CNTNAP2: variants seen among roughly 807,000 people sequenced by gnomAD.
CNTNAP2 encodes contactin-associated protein-like 2.
In CNTNAP2, 98 loss-of-function variants were observed where a neutral mutation model predicts 155.2. The observed-to-expected ratio is 0.63, with a 90% CI of 0.54 to 0.75. The LOEUF (loss-of-function observed/expected upper bound fraction) is 0.75, where lower values mean the gene tolerates loss of function less well. Among genes scored for constraint, CNTNAP2 ranks in the 30% least tolerant of loss-of-function variants. CNTNAP2 has a pLI of 0.00. For missense variants in CNTNAP2, 1,727 were observed against 1,688.1 expected (o/e 1.02, Z -0.40); for synonymous variants, 651 against 631.2 (o/e 1.03, Z -0.47).
intron 1 of CNTNAP2, among the ~76,000 whole-genome samples, chr7:146,730,530 C>T (rs1801507559): frequency 6.6e-6 from 1 of 152,114 alleles, no homozygotes. Flanking sequence ...TGTTGAATTA[C>T]ATAATCTCTA....
At chr7:148,402,502 T>C (rs994562552) in intron 22 of CNTNAP2, among the ~76,000 whole-genome samples, 1 of 152,222 alleles carries the variant, frequency 6.6e-6, no homozygotes, top group Non-Finnish European at 1.5e-5. Context: ...CCCTTATATC[T>C]TCAGCATCTT....
chr7:147,739,812 TTATA>T (rs1279211947), intron 13 of CNTNAP2, among the ~76,000 whole-genome samples: 2 of 152,084 alleles, frequency 1.3e-5, no homozygotes, highest in Non-Finnish European at 2.9e-5. Flanking sequence ...TTTCATGTAT[TTATA>T]TATTTCATAT....
chr7:147,933,932 C>A (rs931420929), intron 14 of CNTNAP2, among the ~76,000 whole-genome samples: 2 of 152,078 alleles, frequency 1.3e-5, no homozygotes, highest in Admixed American at 6.6e-5. Context: ...ATCTTGAGAA[C>A]ATTATGCTAA....
intron 1 of CNTNAP2, among the ~76,000 whole-genome samples, chr7:146,715,543 A>G (rs1563200683): frequency 6.6e-6 from 1 of 152,068 alleles, no homozygotes; most frequent in Non-Finnish European, 1.5e-5. Context: ...TTTGATTTGT[A>G]TACAGTTTCA....
At chr7:148,087,200 T>C (rs1438999605) in intron 15 of CNTNAP2, among the ~76,000 whole-genome samples, 1 of 152,096 alleles carries the variant, frequency 6.6e-6, no homozygotes, top group African/African-American at 2.4e-5. Context: ...TCCTATCCAG[T>C]TATTATGTGG....
intron 9 of CNTNAP2, among the ~76,000 whole-genome samples, chr7:147,350,045 T>C (rs1477954457): frequency 1.3e-5 from 2 of 151,970 alleles, no homozygotes; most frequent in Non-Finnish European, 2.9e-5. Context: ...ACATCATTCC[T>C]GTTATGTTTC....
At chr7:147,575,474 A>ATG (rs1356946124) in intron 12 of CNTNAP2, among the ~76,000 whole-genome samples, 3 of 104,360 alleles carry the variant, frequency 2.9e-5, no homozygotes, top group Admixed American at 1.0e-4. Flanking sequence ...GGGTGTATAT[A>ATG]TGTGTGTGTG....
intron 1 of CNTNAP2, among the ~76,000 whole-genome samples, chr7:146,226,121 G>A (rs1355002416): frequency 3.3e-5 from 5 of 152,108 alleles, no homozygotes; most frequent in Non-Finnish European, 5.9e-5. Context: ...TTCACTGTCC[G>A]ATTCTGTGGT....
chr7:147,255,869 C>T (rs1365162348), intron 8 of CNTNAP2, among the ~76,000 whole-genome samples: 1 of 152,036 alleles, frequency 6.6e-6, no homozygotes, highest in South Asian at 2.1e-4. Flanking sequence ...ACCAGAATAG[C>T]TAAGATTACA....
intron 15 of CNTNAP2, among the ~76,000 whole-genome samples, chr7:148,006,059 A>T (rs954743008): frequency 1.3e-5 from 2 of 152,100 alleles, no homozygotes; most frequent in South Asian, 2.1e-4. Context: ...TAGAAAAAAA[A>T]TGGACACAAT....
chr7:147,502,544 AC>A (rs1483086801), intron 11 of CNTNAP2, among the ~76,000 whole-genome samples: 1 of 152,198 alleles, frequency 6.6e-6, no homozygotes, highest in East Asian at 1.9e-4. Flanking sequence ...ACTTTCAATT[AC>A]AAGATGAATA....
intron 13 of CNTNAP2, among the ~76,000 whole-genome samples, chr7:147,819,182 C>A (rs1009980362): frequency 1.3e-5 from 2 of 152,086 alleles, no homozygotes; most frequent in Non-Finnish European, 2.9e-5. Flanking sequence ...AGGCATAAAC[C>A]TCGTTAGTGG....
chr7:146,338,887 T>TA (rs60478252), intron 1 of CNTNAP2, among the ~76,000 whole-genome samples: 8 of 151,708 alleles, frequency 5.3e-5, no homozygotes, highest in South Asian at 2.1e-4. Context: ...ATTTTTTTTT[T>TA]AAAAAAGGTT....
At chr7:146,223,618 C>A (rs1051914015) in intron 1 of CNTNAP2, among the ~76,000 whole-genome samples, 1 of 152,166 alleles carries the variant, frequency 6.6e-6, no homozygotes, top group Non-Finnish European at 1.5e-5. Flanking sequence ...GCAATCTTGA[C>A]TCTAGACAAA....
intron 1 of CNTNAP2, among the ~76,000 whole-genome samples, chr7:146,648,482 AT>A (rs1415655662): frequency 6.6e-6 from 1 of 152,086 alleles, no homozygotes; most frequent in South Asian, 2.1e-4. Flanking sequence ...TGCTGTGAAA[AT>A]TTTTTATTAT....
At chr7:147,063,806 A>G (rs1418906346) in intron 4 of CNTNAP2, among the ~76,000 whole-genome samples, 1 of 152,144 alleles carries the variant, frequency 6.6e-6, no homozygotes, top group Non-Finnish European at 1.5e-5. Context: ...CCTAAAATCT[A>G]TATTTTCAAT....
chr7:146,870,412 G>C (rs932929395), intron 3 of CNTNAP2, among the ~76,000 whole-genome samples: 2 of 152,042 alleles, frequency 1.3e-5, no homozygotes, highest in African/African-American at 4.8e-5. Context: ...TTATTTCTGT[G>C]AGATCAGTAG....
At chr7:147,343,964 G>C (rs115102466) in intron 9 of CNTNAP2, among the ~76,000 whole-genome samples, 1 of 152,106 alleles carries the variant, frequency 6.6e-6, no homozygotes, top group East Asian at 1.9e-4. Context: ...CCTATTACCT[G>C]CCAGGCATCC....
chr7:147,602,857 T>C (rs1245424068), intron 12 of CNTNAP2, among the ~76,000 whole-genome samples: 8 of 151,574 alleles, frequency 5.3e-5, no homozygotes, highest in Admixed American at 2.6e-4. Context: ...CCATGGTGTA[T>C]ATGTGCCACA....
Sources: gnomAD v4.1 joint callset for allele counts (sites outside exome capture counted in the v4.1 genomes callset) on GRCh38, gnomAD v4.1.1 for gene constraint, MANE v1.5 for transcripts, NCBI Gene and HGNC (gene_info 2026-07-23, HGNC 2026-07-21) for gene names.